BCAR1: variants seen among roughly 807,000 people sequenced by gnomAD.
BCAR1 encodes BCAR1 scaffold protein, Cas family member.
Under a neutral mutation model 67.6 loss-of-function variants are expected in BCAR1, and 30 were observed. The ratio of observed to expected loss-of-function variants is 0.44; its 90% CI spans 0.33 to 0.60. The LOEUF (loss-of-function observed/expected upper bound fraction) is 0.60. BCAR1 is among the 20% of genes least tolerant of loss of function. The pLI is 0.02. For synonymous variants in BCAR1, 626 were observed against 556.7 expected (o/e 1.12, Z -1.75); for missense variants, 1,313 against 1,222.3 (o/e 1.07, Z -1.11).
chr16:75,243,780 G>A (rs918556644), intron 1 of BCAR1, among the ~76,000 whole-genome samples: 1 of 152,224 alleles, frequency 6.6e-6, no homozygotes, highest in Non-Finnish European at 1.5e-5. Context: ...TCAGAGGCAT[G>A]AGTGCCGTGG....
intron 4 of BCAR1, 109 bp downstream of exon 4, chr16:75,236,773 T>C: frequency 6.9e-7 from 1 of 1,447,116 alleles, no homozygotes; most frequent in Non-Finnish European, 9.1e-7. Flanking sequence ...GCCAGTCTCT[T>C]CCTGCCCGCC....
At chr16:75,264,846 A>ACT (rs1295846904) in intron 1 of BCAR1, 1 of 217,856 alleles carries the variant, frequency 4.6e-6, no homozygotes, top group African/African-American at 2.3e-5. Flanking sequence ...AAAGCCCCTA[A>ACT]CTAGGCAGGG....
chr16:75,250,619 C>T, intron 1 of BCAR1: 1 of 984,908 alleles, frequency 1.0e-6, no homozygotes, highest in Admixed American at 6.1e-5. Flanking sequence ...AGGCCGTAAG[C>T]CCCTCACCCC....
chr16:75,237,288 C>A lies in BCAR1; in HGVS notation c.690G>T (p.Glu230Asp). The change falls in exon 3 of 7, where the codon GAG becomes GAT. Residue 230 changes from glutamate (E) to aspartate (D), a missense_variant. Coordinates refer to ENST00000162330, the MANE Select transcript of BCAR1 (RefSeq NM_014567.5). ...GTCGCGGGATGTCGTACTCGTCCTG[C>A]TCCGGCTGGGCGGCCTCGTATACAT... ...QGYVYEAAQP[E>D]QDEYDIPRHL... The A allele has an allele frequency of 6.6e-7, 1 of 1,521,146 alleles. No homozygotes were observed. Among genetic ancestry groups the A allele is most frequent in the Non-Finnish European group, 8.8e-7 (1 of 1,138,042 alleles). The allele number at this position is 1,521,146 out of a possible 1,614,324, so 94.2% of individuals were successfully genotyped here. A position where few individuals can be genotyped will look rare whatever the true frequency, so the allele number is the denominator to read the frequency against.
intron 1 of BCAR1, chr16:75,250,794 C>T: frequency 1.0e-6 from 1 of 985,546 alleles, no homozygotes; most frequent in Non-Finnish European, 1.2e-6. Context: ...GGCCCTGGCC[C>T]CCTCCCGCGA....
intron 1 of BCAR1, among the ~76,000 whole-genome samples, chr16:75,244,717 G>A (rs1421016958): frequency 6.6e-6 from 1 of 152,188 alleles, no homozygotes; most frequent in Non-Finnish European, 1.5e-5. Context: ...CCCAAGGGAG[G>A]GGCCAGGGGG....
At chr16:75,244,286 C>T (rs2077449524) in intron 1 of BCAR1, among the ~76,000 whole-genome samples, 1 of 152,236 alleles carries the variant, frequency 6.6e-6, no homozygotes, top group African/African-American at 2.4e-5. Flanking sequence ...TGTGACCATC[C>T]CCACTTGGGC....
At chr16:75,238,533 G>A (rs2077219950) in intron 2 of BCAR1, 1 of 992,646 alleles carries the variant, frequency 1.0e-6, no homozygotes, top group African/African-American at 1.7e-5. Context: ...CTGTGAGGGG[G>A]GCGCTGAGCA....
chr16:75,266,033 C>T, intron 1 of BCAR1: 2 of 1,027,776 alleles, frequency 1.9e-6, no homozygotes, highest in Non-Finnish European at 2.3e-6. Context: ...CCCCCCCCAC[C>T]GTCTCCGCGG....
rs748408243 is a variant in BCAR1 at position 75,242,547 on chromosome 16, C to T, written c.556G>A (p.Gly186Arg). ...ACCTGGTAGATGTCATGCCCCATCCCGGCAGAAGGTGGCACCTGGTAAATA... is the reference window on the plus strand; with the variant it reads ...ACCTGGTAGATGTCATGCCCCATCCTGGCAGAAGGTGGCACCTGGTAAATA... ...QDIYQVPPSA[G>R]MGHDIYQVPP... The change falls in exon 2 of 7, where the codon GGG becomes AGG. Residue 186 changes from glycine to arginine, a missense_variant. Physicochemically the swap from Gly to Arg is moderately radical, Grantham distance 125. Coordinates refer to ENST00000162330, the MANE Select transcript of BCAR1 (RefSeq NM_014567.5). 29 of 1,492,518 alleles carry T rather than the reference C, an allele frequency of 1.9e-5. No homozygotes were observed. Among genetic ancestry groups the T allele is most frequent in the Admixed American group, 1.7e-4 (7 of 40,920 alleles). The allele number at this position is 1,492,518 out of a possible 1,614,324, so 92.5% of individuals were successfully genotyped here. A position where few individuals can be genotyped will look rare whatever the true frequency, so the allele number is the denominator to read the frequency against.
chr16:75,266,727 G>T (rs1246118595), intron 1 of BCAR1: 2 of 1,424,496 alleles, frequency 1.4e-6, no homozygotes, highest in South Asian at 3.0e-5. Flanking sequence ...CTCAAAGGAA[G>T]GACCAGGGGT....
chr16:75,235,920 A>C lies in BCAR1; in HGVS notation c.979T>G (p.Tyr327Asp). Residue 327 changes from tyrosine (Y) to aspartate (D), a missense_variant, in exon 5 of 7, where the codon TAC becomes GAC. Around this residue, in one of 2 missense-constraint regions of BCAR1, gnomAD observed 1,272 missense variants for 1,137.5 expected, o/e 1.12. Coordinates refer to ENST00000162330, the MANE Select transcript of BCAR1 (RefSeq NM_014567.5). Reference sequence around the variant, plus strand: ...TTGGCGAAGGCGGGGGGCACATCGTAGGTCTCCTCACGCAGCAGTGGGCCA... The same window carrying C: ...TTGGCGAAGGCGGGGGGCACATCGTCGGTCTCCTCACGCAGCAGTGGGCCA... The part of the protein sequence containing the change: ...PDGPLLREET[Y>D]DVPPAFAKAK... 6.4e-7 allele frequency: 1 copy of C among 1,568,664 alleles called. No homozygotes were observed. The highest frequency in any genetic ancestry group is 8.6e-7 in the Non-Finnish European group (1 of 1,156,762).
intron 2 of BCAR1, chr16:75,238,952 G>A (rs1464619127): frequency 1.0e-6 from 1 of 985,290 alleles, no homozygotes; most frequent in African/African-American, 1.7e-5. Flanking sequence ...GGAGGGATGA[G>A]CATCCTCCAA....
At chr16:75,261,094 A>C (rs2077898981) in intron 1 of BCAR1, among the ~76,000 whole-genome samples, 1 of 152,224 alleles carries the variant, frequency 6.6e-6, no homozygotes, top group East Asian at 1.9e-4. Flanking sequence ...CCATCTCACC[A>C]GAGCAAGCAT....
chr16:75,241,068 G>C (rs370469365), intron 2 of BCAR1, among the ~76,000 whole-genome samples: 1 of 152,276 alleles, frequency 6.6e-6, no homozygotes, highest in East Asian at 1.9e-4. Context: ...CTGTGTGTGC[G>C]TGTGCATACG....
chr16:75,243,288 C>T (rs1269614022), intron 1 of BCAR1, among the ~76,000 whole-genome samples, 198 bp from the exon 2 acceptor site: 1 of 152,062 alleles, frequency 6.6e-6, no homozygotes, highest in Non-Finnish European at 1.5e-5. Flanking sequence ...CTGATCCTGG[C>T]CTTTCTTTCA....
intron 3 of BCAR1, 31 bp from the exon 4 acceptor site, chr16:75,237,029 G>T: frequency 6.4e-7 from 1 of 1,553,544 alleles, no homozygotes; most frequent in Non-Finnish European, 8.7e-7. Flanking sequence ...GGTTAACGGC[G>T]CCAGGGCCAC....
At chr16:75,258,479 T>G (rs1215621606) in intron 1 of BCAR1, among the ~76,000 whole-genome samples, 3 of 152,192 alleles carry the variant, frequency 2.0e-5, no homozygotes, top group Non-Finnish European at 2.9e-5. Flanking sequence ...TTGGCAGCAC[T>G]GCTGTGTAAA....
chr16:75,237,091 C>T (rs1038833263), intron 3 of BCAR1, 92 bp downstream of exon 3: 5 of 1,509,344 alleles, frequency 3.3e-6, no homozygotes, highest in East Asian at 2.4e-5. Context: ...CAGGCCTGGC[C>T]GGGGCTGAGA....
Sources: gnomAD v4.1 joint callset for allele counts (sites outside exome capture counted in the v4.1 genomes callset) on GRCh38, gnomAD v4.1.1 for gene constraint, gnomAD v4.1.1 regional missense constraint, MANE v1.5 for transcripts, NCBI Gene and HGNC (gene_info 2026-07-23, HGNC 2026-07-21) for gene names.